The following ANKFN1 variants were observed in gnomAD, a reference collection of about 807,000 sequenced individuals.
ANKFN1 encodes ankyrin repeat and fibronectin type-III domain-containing protein 1.
ANKFN1 carries 74 observed loss-of-function variants against 108.7 expected under a neutral mutation model. That is an observed-to-expected ratio of 0.68 (90% CI 0.56 to 0.83). The LOEUF (loss-of-function observed/expected upper bound fraction) is 0.83. Among genes scored for constraint, ANKFN1 ranks in the 40% least tolerant of loss-of-function variants. The pLI, the probability that ANKFN1 is intolerant of heterozygous loss-of-function variation, is 0.00. For synonymous variants in ANKFN1, 547 were observed against 516.2 expected (o/e 1.06, Z -0.81); for missense variants, 1,505 against 1,382.3 (o/e 1.09, Z -1.41).
chr17:56,352,115 C>G (rs879739499), intron 5 of ANKFN1, among the ~76,000 whole-genome samples: 2 of 152,122 alleles, frequency 1.3e-5, no homozygotes, highest in Admixed American at 1.3e-4. Context: ...GTGGTTAAAT[C>G]GGGGCCTAAG....
At chr17:56,069,001 A>G (rs968164133) in intron 4 of ANKFN1, among the ~76,000 whole-genome samples, 3 of 152,192 alleles carry the variant, frequency 2.0e-5, no homozygotes, top group African/African-American at 7.2e-5. Context: ...AATCTCAGCT[A>G]GGGAGTTAAA....
At chr17:56,449,298 AATATTTG>A in intron 11 of ANKFN1, 112 bp downstream of exon 11, 4 of 705,230 alleles carry the variant, frequency 5.7e-6, no homozygotes, top group Non-Finnish European at 9.2e-6. Context: ...GAGAGATATT[AATATTTG>A]TACATCTGGA....
chr17:56,086,235 T>C (rs1171272036), intron 4 of ANKFN1, among the ~76,000 whole-genome samples: 1 of 150,766 alleles, frequency 6.6e-6, no homozygotes, highest in East Asian at 1.9e-4. Flanking sequence ...GGTGAAATCA[T>C]CTCTACTAAA....
At chr17:56,093,291 G>A (rs1304128665) in intron 4 of ANKFN1, among the ~76,000 whole-genome samples, 1 of 151,126 alleles carries the variant, frequency 6.6e-6, no homozygotes, top group Non-Finnish European at 1.5e-5. Flanking sequence ...GTGACAGGAT[G>A]TGGGCCATGG....
chr17:56,358,536 A>T (rs1229981253), intron 6 of ANKFN1, among the ~76,000 whole-genome samples: 8 of 152,232 alleles, frequency 5.3e-5, no homozygotes, highest in Admixed American at 5.2e-4. Flanking sequence ...CCTACTCATT[A>T]GACGAATCTA....
At chr17:56,314,349 C>G (rs2045135502) in intron 3 of ANKFN1, among the ~76,000 whole-genome samples, 1 of 152,166 alleles carries the variant, frequency 6.6e-6, no homozygotes, top group Admixed American at 6.5e-5. Context: ...GACTGTCAAA[C>G]AGTTCTCCAA....
chr17:56,301,710 G>T (rs2044675967), intron 3 of ANKFN1, among the ~76,000 whole-genome samples: 1 of 152,208 alleles, frequency 6.6e-6, no homozygotes. Flanking sequence ...AGATAGAATG[G>T]TGAAACTCTG....
At chr17:56,309,105 G>T (rs1373692411) in intron 3 of ANKFN1, among the ~76,000 whole-genome samples, 2 of 152,050 alleles carry the variant, frequency 1.3e-5, no homozygotes, top group Admixed American at 6.5e-5. Flanking sequence ...TCCTCTTTTG[G>T]GTTGGAATTT....
chr17:56,281,053 C>A (rs904333505), intron 3 of ANKFN1, among the ~76,000 whole-genome samples: 1 of 152,186 alleles, frequency 6.6e-6, no homozygotes, highest in Non-Finnish European at 1.5e-5. Context: ...GAGGCCTCCC[C>A]AGCCATGTGG....
intron 4 of ANKFN1, among the ~76,000 whole-genome samples, chr17:56,093,155 G>A (rs768047329): frequency 6.6e-6 from 1 of 151,222 alleles, no homozygotes. Flanking sequence ...CCACCTTGGC[G>A]GGGAGAGAGG....
At chr17:56,371,607 A>T (rs1037667143) in intron 6 of ANKFN1, among the ~76,000 whole-genome samples, 1 of 152,188 alleles carries the variant, frequency 6.6e-6, no homozygotes, top group African/African-American at 2.4e-5. Context: ...GTAGGACTTT[A>T]GTCTGGTTTA....
Position 56,187,648 on chromosome 17 carries a change from C to T in ANKFN1, c.-70-24950C>T, listed in dbSNP as rs184254473. Among the ~76,000 whole-genome samples the T allele has an allele frequency of 3.3e-5, 5 of 152,258 alleles. No individual in the cohort carries two copies. In the East Asian group the frequency reaches 9.7e-4, roughly 29 times the overall value. ...AGACACATGCACATGTTTATTGTGG[C>T]ACTGTGCACAACAGCAAAGACTTGG... On this transcript the variant is annotated intron_variant, in intron 1 of 20. Transcript: ENST00000682825.
chr17:56,049,506 G>A (rs1046218441), intron 4 of ANKFN1, among the ~76,000 whole-genome samples: 2 of 151,712 alleles, frequency 1.3e-5, no homozygotes, highest in African/African-American at 4.9e-5. Flanking sequence ...TCGTCATCTA[G>A]CATTAGGTAT....
At chr17:56,468,895 C>T (rs1230353703) in intron 15 of ANKFN1, among the ~76,000 whole-genome samples, 3 of 152,114 alleles carry the variant, frequency 2.0e-5, no homozygotes, top group African/African-American at 7.2e-5. Context: ...CTTTTATAAG[C>T]AAGTGCTAAA....
chr17:56,422,040 T>C (rs941876603), intron 8 of ANKFN1, among the ~76,000 whole-genome samples: 1 of 152,186 alleles, frequency 6.6e-6, no homozygotes, highest in African/African-American at 2.4e-5. Flanking sequence ...AAATGATGAG[T>C]ACACTTAGAA....
At chr17:56,211,001 AG>A (rs1416681305) in intron 1 of ANKFN1, among the ~76,000 whole-genome samples, 1 of 152,244 alleles carries the variant, frequency 6.6e-6, no homozygotes, top group Non-Finnish European at 1.5e-5. Context: ...TCTGGATATT[AG>A]TACTTTGTCA....
At chr17:56,313,019 G>A (rs2144453126) in intron 3 of ANKFN1, among the ~76,000 whole-genome samples, 1 of 152,178 alleles carries the variant, frequency 6.6e-6, no homozygotes, top group South Asian at 2.1e-4. Context: ...GCCAGGCATG[G>A]TGGTGGGCGC....
intron 17 of ANKFN1, 124 bp from the exon 18 acceptor site, chr17:56,482,232 T>C: frequency 1.2e-6 from 1 of 827,862 alleles, no homozygotes; most frequent in South Asian, 2.4e-5. Flanking sequence ...ATATTTATGT[T>C]GTATAAAAAT....
intron 4 of ANKFN1, among the ~76,000 whole-genome samples, chr17:56,342,154 C>T (rs181431545): frequency 3.3e-5 from 5 of 151,156 alleles, no homozygotes; most frequent in Admixed American, 2.0e-4. Context: ...TGGTAATATC[C>T]CCCTTATAAT....
Sources: gnomAD v4.1 joint callset for allele counts (sites outside exome capture counted in the v4.1 genomes callset) on GRCh38, gnomAD v4.1.1 for gene constraint, MANE v1.5 for transcripts, NCBI Gene and HGNC (gene_info 2026-07-23, HGNC 2026-07-21) for gene names.